Variants in HEXB observed in about 807,000 individuals in gnomAD.
HEXB encodes the protein beta-hexosaminidase subunit beta.
Under a neutral mutation model 71.2 loss-of-function variants are expected in HEXB, and 51 were observed. The observed-to-expected ratio is 0.72, with a 90% CI of 0.57 to 0.90. The LOEUF (loss-of-function observed/expected upper bound fraction) is 0.90, where lower values mean the gene tolerates loss of function less well. Among genes scored for constraint, HEXB ranks in the 40% least tolerant of loss-of-function variants. The pLI is 0.00. For synonymous variants in HEXB, 266 were observed against 249.3 expected (o/e 1.07, Z -0.63); for missense variants, 617 against 677.0 (o/e 0.91, Z 0.98).
intron 5 of HEXB, among the ~76,000 whole-genome samples, chr5:74,699,492 C>T (rs904924388): frequency 2.6e-5 from 4 of 152,064 alleles, no homozygotes; most frequent in Non-Finnish European, 5.9e-5. Context: ...TCAGGCTGAT[C>T]TTGAACTCCT....
chr5:74,653,351 A>G (rs531341973), intron 1 of HEXB, among the ~76,000 whole-genome samples: 4 of 152,346 alleles, frequency 2.6e-5, no homozygotes, highest in African/African-American at 9.6e-5. Context: ...AAAACACTAC[A>G]AAAATACTAT....
chr5:74,659,825 A>G (rs1425479959), intron 1 of HEXB, among the ~76,000 whole-genome samples: 5 of 152,342 alleles, frequency 3.3e-5, no homozygotes, highest in Admixed American at 2.0e-4. Flanking sequence ...AATAAATGAA[A>G]TTTAAACCTT....
chr5:74,693,332 C>T, intron 2 of HEXB: 1 of 444,990 alleles, frequency 2.2e-6, no homozygotes, highest in Non-Finnish European at 4.2e-6. Context: ...AGTTGACACC[C>T]AAATTCCCGT....
chr5:74,709,081 T>C (rs1307095882), intron 6 of HEXB, among the ~76,000 whole-genome samples: 6 of 152,052 alleles, frequency 3.9e-5, no homozygotes, highest in Non-Finnish European at 5.9e-5. Context: ...ACAGAAATTA[T>C]AACAAACTAT....
chr5:74,703,028 C>G (rs1749299815), intron 5 of HEXB, among the ~76,000 whole-genome samples: 1 of 152,246 alleles, frequency 6.6e-6, no homozygotes, highest in Non-Finnish European at 1.5e-5. Context: ...TCTCAGCTCA[C>G]TGCAACCTCT....
chr5:74,688,309 C>T (rs1055205284), intron 1 of HEXB, among the ~76,000 whole-genome samples: 14 of 148,524 alleles, frequency 9.4e-5, no homozygotes. Context: ...TTAATATTCT[C>T]TGATTTTTGG....
rs768081804 is a variant in HEXB, at chr5:74,689,349, T to A, written c.321T>A (p.Gly107=). ...ACAGATATCATGGCTATATTTTTGG[T>A]TTCTACAAGTGGCATCATGAACCTG... is the stretch of plus-strand genomic sequence containing the variant. ...AFRRYHGYIF[G]FYKWHHEPAE... is the part of the protein sequence containing the mutation. Residue 107 remains glycine, a synonymous_variant, in exon 2 of 14, where the codon GGT becomes GGA. Transcript: ENST00000261416. 5 of 1,613,524 alleles carry A rather than the reference T, an allele frequency of 3.1e-6. No homozygotes were observed. Among genetic ancestry groups the A allele is most frequent in the Non-Finnish European group, 2.5e-6 (3 of 1,179,402 alleles).
Position 74,721,149 on chromosome 5 carries a change from G to GGATATTGTAACCATGAGAACATGT in HEXB, c.1646_1669dup (p.Ter557delinsTer), listed in dbSNP as rs1561229924. ...AATAGCTGCACAACCTCTTTATGCT[G>GGATATTGTAACCATGAGAACATGT]GATATTGTAACCATGAGAACATGTA... is the stretch of plus-strand genomic sequence containing the variant. On this transcript the variant is annotated stop_gained and inframe_insertion, in exon 14 of 14. Coordinates refer to ENST00000261416, the MANE Select transcript of HEXB (RefSeq NM_000521.4). LOFTEE classifies it low-confidence loss of function (END_TRUNC). 6.2e-7 allele frequency: 1 copy of GGATATTGTAACCATGAGAACATGT among 1,613,212 alleles called. No homozygotes were observed. The highest frequency in any genetic ancestry group is 2.2e-5 in the East Asian group (1 of 44,794).
chr5:74,678,340 T>TA (rs1748674555), intron 1 of HEXB, among the ~76,000 whole-genome samples: 1 of 145,070 alleles, frequency 6.9e-6, no homozygotes, highest in African/African-American at 2.5e-5. Flanking sequence ...AATAAATAAA[T>TA]ACCATGCAAT....
chr5:74,696,562 G>C, intron 3 of HEXB, 131 bp from the exon 4 acceptor site: 1 of 593,048 alleles, frequency 1.7e-6, no homozygotes, highest in Non-Finnish European at 3.0e-6. Flanking sequence ...ATATATTTTA[G>C]AGGATAGAGG....
intron 3 of HEXB, among the ~76,000 whole-genome samples, chr5:74,695,424 C>T (rs1027493162): frequency 3.3e-5 from 5 of 150,950 alleles, no homozygotes; most frequent in Non-Finnish European, 7.4e-5. Flanking sequence ...AGGATGGTCT[C>T]GATCTCCTGA....
intron 9 of HEXB, 47 bp downstream of exon 9, chr5:74,716,720 GTTTA>G: frequency 8.5e-7 from 1 of 1,180,560 alleles, no homozygotes; most frequent in Non-Finnish European, 1.3e-6. Flanking sequence ...TTTTGTAAAA[GTTTA>G]TTTAGTAATG....
At chr5:74,721,015 C>G in intron 13 of HEXB, 103 bp from the exon 14 acceptor site, 1 of 1,034,744 alleles carries the variant, frequency 9.7e-7, no homozygotes, top group Non-Finnish European at 1.5e-6. Context: ...TTTAGTGATT[C>G]TAATTTAAGT....
At chr5:74,701,861 A>T (rs1485900850) in intron 5 of HEXB, among the ~76,000 whole-genome samples, 1 of 152,014 alleles carries the variant, frequency 6.6e-6, no homozygotes, top group African/African-American at 2.4e-5. Flanking sequence ...TGAATTTCTT[A>T]AAAAAAGGAC....
At chr5:74,665,763 T>A (rs1748421702) in intron 1 of HEXB, among the ~76,000 whole-genome samples, 1 of 152,024 alleles carries the variant, frequency 6.6e-6, no homozygotes, top group Admixed American at 6.6e-5. Context: ...ACCGAATTCT[T>A]TTTTTTTAAG....
upstream of HEXB, among the ~76,000 whole-genome samples, chr5:74,680,270 T>G (rs552676245): frequency 6.6e-4 from 100 of 152,362 alleles, no homozygotes; most frequent in Non-Finnish European, 1.1e-3. Flanking sequence ...TTTGCCTGGC[T>G]GGATTTTGGA....
chr5:74,705,458 T>C, intron 6 of HEXB, 138 bp downstream of exon 6: 1 of 673,450 alleles, frequency 1.5e-6, no homozygotes, highest in Non-Finnish European at 2.6e-6. Flanking sequence ...TTTTTTTGGC[T>C]GTGACTTAGC....
intron 1 of HEXB, among the ~76,000 whole-genome samples, chr5:74,669,333 A>G (rs1561207633): frequency 6.6e-6 from 1 of 152,122 alleles, no homozygotes; most frequent in Non-Finnish European, 1.5e-5. Context: ...GCATTATTCA[A>G]ATCTAAGCTA....
chr5:74,693,333 A>G (rs1749042853), intron 2 of HEXB: 1 of 448,384 alleles, frequency 2.2e-6, no homozygotes, highest in Non-Finnish European at 4.1e-6. Flanking sequence ...GTTGACACCC[A>G]AATTCCCGTT....
Sources: gnomAD v4.1 joint callset for allele counts (sites outside exome capture counted in the v4.1 genomes callset) on GRCh38, gnomAD v4.1.1 for gene constraint, MANE v1.5 for transcripts, NCBI Gene and HGNC (gene_info 2026-07-23, HGNC 2026-07-21) for gene names.